Variants in PPIL6 observed in about 807,000 individuals in gnomAD.
The protein encoded by PPIL6 is probable inactive peptidyl-prolyl cis-trans isomerase-like 6.
A neutral mutation model predicts 36.8 loss-of-function variants in PPIL6; 39 were observed. The observed-to-expected ratio is 1.06, with a 90% CI of 0.82 to 1.38. The LOEUF (loss-of-function observed/expected upper bound fraction) is 1.38. Among genes scored for constraint, PPIL6 ranks in the 40% most tolerant of loss-of-function variants. PPIL6 has a pLI of 0.00. For synonymous variants in PPIL6, 123 were observed against 134.1 expected, an observed-to-expected ratio of 0.92 and a Z score of 0.57; for missense variants, 368 against 379.1, an observed-to-expected ratio of 0.97 and a Z score of 0.24.
At chr6:109,395,795 G>A (rs992655074) in intron 7 of PPIL6, among the ~76,000 whole-genome samples, 3 of 150,840 alleles carry the variant, frequency 2.0e-5, no homozygotes, top group Admixed American at 6.6e-5. Context: ...TAGTAGAGAC[G>A]GGGTTTTACC....
intron 2 of PPIL6, among the ~76,000 whole-genome samples, chr6:109,434,982 G>A (rs1774366241): frequency 6.6e-6 from 1 of 152,160 alleles, no homozygotes; most frequent in Non-Finnish European, 1.5e-5. Context: ...ATAGATAGAG[G>A]GGAGAATGCA....
chr6:109,408,956 A>G (rs1404110050), intron 6 of PPIL6, among the ~76,000 whole-genome samples: 1 of 152,200 alleles, frequency 6.6e-6, no homozygotes, highest in East Asian at 1.9e-4. Context: ...ATGAATACTG[A>G]TGCAAAAGTC....
At chr6:109,440,932 C>G, upstream of PPIL6, 2 of 603,378 alleles carry the variant, frequency 3.3e-6, no homozygotes, top group Non-Finnish European at 5.6e-6. Context: ...TGATTGGGAA[C>G]AGCCGGCCGG....
upstream of PPIL6, chr6:109,440,773 C>T (rs529756695): frequency 9.0e-6 from 3 of 334,980 alleles, no homozygotes; most frequent in South Asian, 3.5e-4. Flanking sequence ...GCGGCCGCGA[C>T]CGCCGGGGAC....
intron 6 of PPIL6, 114 bp downstream of exon 6, chr6:109,419,073 T>C: frequency 1.4e-6 from 1 of 732,490 alleles, no homozygotes; most frequent in Non-Finnish European, 2.4e-6. Context: ...ACCTCTTGCT[T>C]GTACTGTAAG....
intron 6 of PPIL6, among the ~76,000 whole-genome samples, chr6:109,415,010 G>A (rs777152436): frequency 1.3e-5 from 2 of 152,150 alleles, no homozygotes; most frequent in Non-Finnish European, 2.9e-5. Context: ...TATTCATTAA[G>A]TGGAAGTGGA....
chr6:109,408,286 C>T (rs1772880999), intron 6 of PPIL6, among the ~76,000 whole-genome samples: 1 of 152,116 alleles, frequency 6.6e-6, no homozygotes, highest in African/African-American at 2.4e-5. Context: ...TTTTCTTTCC[C>T]TTATAAATCA....
At chr6:109,421,535 T>C (rs1420015300) in intron 5 of PPIL6, among the ~76,000 whole-genome samples, 1 of 152,204 alleles carries the variant, frequency 6.6e-6, no homozygotes, top group African/African-American at 2.4e-5. Flanking sequence ...ATCACATGCT[T>C]CTAGAATGCC....
chr6:109,422,793 G>A (rs1414507583), intron 5 of PPIL6, among the ~76,000 whole-genome samples: 1 of 152,198 alleles, frequency 6.6e-6, no homozygotes, highest in Non-Finnish European at 1.5e-5. Flanking sequence ...TCCTATAAAT[G>A]TAAGTCAAAT....
chr6:109,432,161 T>C (rs992186123), intron 2 of PPIL6, among the ~76,000 whole-genome samples: 3 of 152,168 alleles, frequency 2.0e-5, no homozygotes, highest in Admixed American at 1.3e-4. Context: ...TTGGAAAGGA[T>C]AGGGGGTCCA....
chr6:109,398,810 T>G (rs1181932740), intron 7 of PPIL6, among the ~76,000 whole-genome samples: 1 of 152,226 alleles, frequency 6.6e-6, no homozygotes, highest in Non-Finnish European at 1.5e-5. Flanking sequence ...TATTAAGCAC[T>G]GTGGTATGAT....
intron 5 of PPIL6, among the ~76,000 whole-genome samples, chr6:109,425,557 T>A (rs758993557): frequency 6.6e-6 from 1 of 152,118 alleles, no homozygotes; most frequent in Non-Finnish European, 1.5e-5. Context: ...AAGGCCAGCC[T>A]GGCCAACATG....
Position 109,440,461 on chromosome 6 carries a change from C to A in PPIL6, c.130G>T (p.Ala44Ser), listed in dbSNP as rs1263931912. Residue 44 changes from alanine to serine, a missense_variant, in exon 1 of 8, where the codon GCT becomes TCT. Transcript: ENST00000521072. ...CPNFQIAKSA[A>S]ENLKNNHPSK... ...GGAGGTTTCTCTGTGGTTACCTCAG[C>A]GGCGCTCTTCGCAATCTGAAAGTTG... 2.6e-6 allele frequency: 4 copies of A among 1,540,160 alleles called. No homozygotes were observed. The African/African-American group carries it at 5.6e-5, about 22-fold the overall frequency.
At chr6:109,440,804 C>T (rs150353891), upstream of PPIL6, 12,637 of 364,562 alleles carry the variant, frequency 0.035, 310 homozygotes, top group South Asian at 0.062. Flanking sequence ...GAAAAGGAAC[C>T]GGGAGCCGCC....
rs1216636956 is a variant in PPIL6 at position 109,392,656 on chromosome 6, A to G, written c.*170T>C. 1.1e-5 allele frequency: 6 copies of G among 570,388 alleles called. No individual in the cohort carries two copies. The highest frequency in any genetic ancestry group is 2.2e-5 in the South Asian group (1 of 44,768). The allele number at this position is 570,388 out of a possible 1,614,324, so 35.3% of individuals were successfully genotyped here. A position where few individuals can be genotyped will look rare whatever the true frequency, so the allele number is the denominator to read the frequency against. On this transcript the variant is annotated 3_prime_UTR_variant, in exon 8 of 8. Coordinates refer to ENST00000521072, the MANE Select transcript of PPIL6 (RefSeq NM_173672.5). ...TGAGTACCACCCTTTCACAGTCTCT[A>G]TGACAGAGACAGGAAAGGAAGATGG... is the stretch of plus-strand genomic sequence containing the variant.
At chr6:109,434,401 A>C (rs1302265654) in intron 2 of PPIL6, among the ~76,000 whole-genome samples, 1 of 152,074 alleles carries the variant, frequency 6.6e-6, no homozygotes, top group Non-Finnish European at 1.5e-5. Context: ...ACAAACAAAG[A>C]AAAAAAAGAA....
At chr6:109,397,969 G>A (rs1233509173) in intron 7 of PPIL6, among the ~76,000 whole-genome samples, 1 of 151,020 alleles carries the variant, frequency 6.6e-6, no homozygotes, top group Non-Finnish European at 1.5e-5. Context: ...TCGGCTCACT[G>A]CAACCTCCCC....
intron 7 of PPIL6, among the ~76,000 whole-genome samples, chr6:109,398,719 T>C (rs1770193124): frequency 6.6e-6 from 1 of 152,214 alleles, no homozygotes; most frequent in Non-Finnish European, 1.5e-5. Context: ...GTAACTTGAA[T>C]AGTTTTCATC....
chr6:109,412,794 C>T (rs1773069325), intron 6 of PPIL6, among the ~76,000 whole-genome samples: 1 of 152,130 alleles, frequency 6.6e-6, no homozygotes, highest in Non-Finnish European at 1.5e-5. Flanking sequence ...TACAAGAAAA[C>T]ATCGAGGAAA....
Sources: gnomAD v4.1 joint callset for allele counts (sites outside exome capture counted in the v4.1 genomes callset) on GRCh38, gnomAD v4.1.1 for gene constraint, MANE v1.5 for transcripts, NCBI Gene and HGNC (gene_info 2026-07-23, HGNC 2026-07-21) for gene names.